The following PAH variants were observed in gnomAD, a reference collection of about 807,000 sequenced individuals.
The protein encoded by PAH is phenylalanine hydroxylase, also known as phenylalanine-4-hydroxylase.
A neutral mutation model predicts 62.0 loss-of-function variants in PAH; 64 were observed. The observed-to-expected ratio is 1.03, with a 90% CI of 0.84 to 1.27. The LOEUF (loss-of-function observed/expected upper bound fraction) is 1.27. PAH is among the 50% of genes most tolerant of loss of function. The pLI is 0.00. For synonymous variants in PAH, 195 were observed against 196.2 expected (o/e 0.99, Z 0.05); for missense variants, 579 against 542.8 (o/e 1.07, Z -0.66).
At position 102,910,434 on chromosome 12, in the gene PAH, G is replaced by A. The variant is rs532690930; in HGVS notation, c.168+2357C>T. ...CACCCAGGCTAGAGTGCAGTGGCAC[G>A]ATCCGGGCTCACTGCAAGCTCCGCC... On this transcript the variant is annotated intron_variant, in intron 2 of 12. Transcript: ENST00000553106. 1.5e-4 allele frequency among the ~76,000 whole-genome samples: 22 copies of A among 150,496 alleles called. No homozygotes were observed. The South Asian group carries it at 3.4e-3, about 23-fold the overall frequency.
rs1555205803 is a variant in PAH, at chr12:102,868,073, CAT to C, written c.442-1412_442-1411del. Among the ~76,000 whole-genome samples, 12 of 103,338 alleles carry C rather than the reference CAT, an allele frequency of 1.2e-4. 2 individuals are homozygous for C. Among genetic ancestry groups the C allele is most frequent in the African/African-American group, 4.9e-4 (12 of 24,284 alleles). The allele number at this position is 103,338 out of a possible 152,430, so 67.8% of individuals were successfully genotyped here. A position where few individuals can be genotyped will look rare whatever the true frequency, so the allele number is the denominator to read the frequency against. On this transcript the variant is annotated intron_variant, in intron 4 of 12. Coordinates refer to ENST00000553106, the MANE Select transcript of PAH (RefSeq NM_000277.3). The stretch of plus-strand genomic sequence containing the variant: ...ATGTATATATATACACATATATATA[CAT>C]ATATGTGTGTGTGTATATATATATA...
At chr12:102,922,142 C>T (rs1389072702), upstream of PAH, among the ~76,000 whole-genome samples, 1 of 151,550 alleles carries the variant, frequency 6.6e-6, no homozygotes, top group Non-Finnish European at 1.5e-5. Flanking sequence ...TATATTCCTT[C>T]CCTCCTTTTC....
chr12:102,874,474 T>C (rs1193811589), intron 4 of PAH, among the ~76,000 whole-genome samples: 1 of 152,190 alleles, frequency 6.6e-6, no homozygotes, highest in Non-Finnish European at 1.5e-5. Context: ...ACACAGATGA[T>C]GTTACACGGC....
upstream of PAH, chr12:102,958,431 G>GT: frequency 1.3e-6 from 2 of 1,496,944 alleles, no homozygotes; most frequent in Non-Finnish European, 1.8e-6. Context: ...GCAGCAGCAG[G>GT]CGCCGCAGCT....
chr12:102,849,297 G>C (rs1875039294), intron 8 of PAH, among the ~76,000 whole-genome samples: 1 of 152,200 alleles, frequency 6.6e-6, no homozygotes, highest in African/African-American at 2.4e-5. Flanking sequence ...AGCTGTGCTG[G>C]AGAAGGTTTG....
intron 11 of PAH, among the ~76,000 whole-genome samples, chr12:102,842,119 G>C (rs977558708): frequency 6.6e-6 from 1 of 152,136 alleles, no homozygotes; most frequent in African/African-American, 2.4e-5. Context: ...GCTCTTCCCT[G>C]CTGGTCTGGG....
intron 1 of PAH, among the ~76,000 whole-genome samples, chr12:102,924,719 T>C (rs1387201173): frequency 6.6e-6 from 1 of 152,164 alleles, no homozygotes; most frequent in African/African-American, 2.4e-5. Context: ...AGCTTCTGTA[T>C]GAATCAGAAT....
chr12:102,946,159 C>A (rs115466980), intron 1 of PAH: 90 of 152,404 alleles, frequency 5.9e-4, no homozygotes, highest in African/African-American at 2.0e-3. Context: ...TTTATTCCTC[C>A]CTCTCCTTTC....
At chr12:102,877,218 G>C (rs1252003168) in intron 4 of PAH, 2 of 552,010 alleles carry the variant, frequency 3.6e-6, no homozygotes, top group Non-Finnish European at 3.3e-6. Flanking sequence ...CACAGACCTA[G>C]TATATAGAGA....
At chr12:102,927,634 T>C (rs1017982463) in intron 1 of PAH, among the ~76,000 whole-genome samples, 1 of 152,066 alleles carries the variant, frequency 6.6e-6, no homozygotes, top group Non-Finnish European at 1.5e-5. Flanking sequence ...AATTACAGTT[T>C]ATTCAAATAA....
chr12:102,896,768 GA>G (rs748663317), intron 2 of PAH, among the ~76,000 whole-genome samples: 5 of 152,114 alleles, frequency 3.3e-5, no homozygotes, highest in Non-Finnish European at 4.4e-5. Context: ...TAAATAAAGA[GA>G]ATTTCAGGAA....
At chr12:102,930,796 C>T (rs941298754) in intron 1 of PAH, among the ~76,000 whole-genome samples, 1 of 152,202 alleles carries the variant, frequency 6.6e-6, no homozygotes, top group Non-Finnish European at 1.5e-5. Context: ...CTTTCTTCCC[C>T]ATTTCTGTGG....
At chr12:102,840,552 A>G (rs1316688161) in intron 11 of PAH, 37 bp from the exon 12 acceptor site, 15 of 1,377,914 alleles carry the variant, frequency 1.1e-5, no homozygotes, top group Admixed American at 1.7e-5. Flanking sequence ...GAAGGGCACC[A>G]TTTGGAGAAA....
intron 4 of PAH, among the ~76,000 whole-genome samples, chr12:102,868,048 A>ACG (rs528508611): frequency 8.9e-6 from 1 of 111,896 alleles, no homozygotes; most frequent in Non-Finnish European, 1.9e-5. Flanking sequence ...ACCTATATAT[A>ACG]TGTATATATA....
chr12:102,908,989 C>A (rs987575918), intron 2 of PAH, among the ~76,000 whole-genome samples: 11 of 151,808 alleles, frequency 7.2e-5, no homozygotes, highest in African/African-American at 2.4e-4. Context: ...CCATGCCCAG[C>A]TAATTTTTTT....
chr12:102,950,267 T>A (rs1879690312), intron 1 of PAH: 3 of 152,294 alleles, frequency 2.0e-5, no homozygotes, highest in African/African-American at 7.2e-5. Flanking sequence ...CTGCCCGTGC[T>A]GCAAATACTT....
At chr12:102,955,630 T>C (rs1357256650), upstream of PAH, among the ~76,000 whole-genome samples, 1 of 152,198 alleles carries the variant, frequency 6.6e-6, no homozygotes, top group Non-Finnish European at 1.5e-5. Context: ...AAGGAGTGCC[T>C]GAATAATTCC....
At chr12:102,880,404 A>G (rs748662620) in intron 3 of PAH, among the ~76,000 whole-genome samples, 2 of 152,132 alleles carry the variant, frequency 1.3e-5, no homozygotes, top group Non-Finnish European at 2.9e-5. Context: ...AGGGGTTTCA[A>G]TGAATGGCAC....
chr12:102,884,879 CCTT>C (rs1198185727), intron 3 of PAH, among the ~76,000 whole-genome samples: 1 of 152,196 alleles, frequency 6.6e-6, no homozygotes, highest in Non-Finnish European at 1.5e-5. Context: ...TTCATCATCT[CCTT>C]TAATTCGCAA....
Sources: allele counts gnomAD v4.1 joint callset (sites outside exome capture counted in the v4.1 genomes callset), GRCh38; gene constraint gnomAD v4.1.1; transcripts MANE v1.5; gene names NCBI Gene and HGNC (gene_info 2026-07-23, HGNC 2026-07-21).